ZNF407: variants seen among roughly 807,000 people sequenced by gnomAD.
The protein encoded by ZNF407 is zinc finger protein 407.
A neutral mutation model predicts 131.2 loss-of-function variants in ZNF407; 17 were observed. The observed-to-expected ratio is 0.13, with a 90% confidence interval of 0.09 to 0.19. The LOEUF is 0.19. Ranked by LOEUF, ZNF407 falls within the 10% of genes least tolerant of loss-of-function variation. The pLI is 1.00. For missense variants in ZNF407, 2,681 were observed against 2,830.6 expected, an observed-to-expected ratio of 0.95 and a Z score of 1.20; for synonymous variants, 1,156 against 1,062.0, an observed-to-expected ratio of 1.09 and a Z score of -1.72.
chr18:74,882,663 TA>T (rs1438586475), intron 6 of ZNF407, among the ~76,000 whole-genome samples: 3 of 152,192 alleles, frequency 2.0e-5, no homozygotes, highest in Non-Finnish European at 4.4e-5. Flanking sequence ...GTTGGAAACA[TA>T]AACTAAACTT....
At chr18:74,905,202 A>G (rs184500928) in intron 7 of ZNF407, 2 of 152,398 alleles carry the variant, frequency 1.3e-5, no homozygotes, top group Admixed American at 1.3e-4. Flanking sequence ...GAAAGTAAAA[A>G]GTCAACACAT....
intron 4 of ZNF407, among the ~76,000 whole-genome samples, chr18:74,786,793 GTTTTTTTTTTTTTTTTTTT>G (rs869103622): frequency 2.2e-5 from 2 of 89,348 alleles, no homozygotes; most frequent in Admixed American, 1.4e-4. Context: ...AAAAAAGTAT[GTTTTTTTTTTTTTTTTTTT>G]TTTTTTTTTG....
At chr18:74,598,798 T>G (rs1040842657) in intron 1 of ZNF407, among the ~76,000 whole-genome samples, 2 of 152,242 alleles carry the variant, frequency 1.3e-5, no homozygotes, top group African/African-American at 4.8e-5. Context: ...GTGCTTGGCC[T>G]CCTTCTGGAG....
At chr18:74,744,926 T>C (rs1355729266) in intron 3 of ZNF407, among the ~76,000 whole-genome samples, 1 of 152,168 alleles carries the variant, frequency 6.6e-6, no homozygotes, top group Non-Finnish European at 1.5e-5. Flanking sequence ...TCCTTGATTT[T>C]ATAGCTTTAC....
chr18:74,901,814 A>G (rs1175735847), intron 7 of ZNF407, among the ~76,000 whole-genome samples: 1 of 152,092 alleles, frequency 6.6e-6, no homozygotes, highest in Non-Finnish European at 1.5e-5. Context: ...CACATATATT[A>G]TTACCTTCCT....
At chr18:75,057,864 T>A (rs1226033354) in intron 8 of ZNF407, among the ~76,000 whole-genome samples, 1 of 152,228 alleles carries the variant, frequency 6.6e-6, no homozygotes, top group African/African-American at 2.4e-5. Context: ...AATGACATTT[T>A]TCATTCACAA....
At chr18:75,029,971 G>T (rs1182022942) in intron 8 of ZNF407, among the ~76,000 whole-genome samples, 1 of 152,126 alleles carries the variant, frequency 6.6e-6, no homozygotes, top group Non-Finnish European at 1.5e-5. Context: ...TAAAAATATG[G>T]GGAAGAGGTT....
At chr18:74,953,439 C>T (rs1484647937) in intron 8 of ZNF407, among the ~76,000 whole-genome samples, 2 of 152,088 alleles carry the variant, frequency 1.3e-5, no homozygotes, top group Admixed American at 6.5e-5. Context: ...TGTCTGCTTA[C>T]GTTGTATCAT....
At chr18:74,623,140 G>C (rs1983619237) in intron 1 of ZNF407, among the ~76,000 whole-genome samples, 1 of 85,018 alleles carries the variant, frequency 1.2e-5, no homozygotes, top group African/African-American at 4.0e-5. Context: ...GTGTGTGTCC[G>C]TGTGAATGTG....
chr18:75,046,004 A>C (rs1172523424), intron 8 of ZNF407, among the ~76,000 whole-genome samples: 1 of 152,252 alleles, frequency 6.6e-6, no homozygotes, highest in Non-Finnish European at 1.5e-5. Context: ...AACCAGCTCC[A>C]ACATGGCTTC....
intron 8 of ZNF407, among the ~76,000 whole-genome samples, chr18:74,984,831 A>G (rs1234105611): frequency 6.6e-6 from 1 of 151,800 alleles, no homozygotes; most frequent in Non-Finnish European, 1.5e-5. Context: ...TGATTAACAA[A>G]GTATCACATA....
intron 4 of ZNF407, among the ~76,000 whole-genome samples, chr18:74,854,930 A>G (rs945592529): frequency 9.2e-5 from 14 of 152,176 alleles, no homozygotes; most frequent in African/African-American, 3.4e-4. Context: ...ACCTAGTACT[A>G]ACTTATAGAT....
intron 8 of ZNF407, among the ~76,000 whole-genome samples, chr18:74,998,703 T>G (rs1462467618): frequency 7.7e-6 from 1 of 130,424 alleles, no homozygotes; most frequent in African/African-American, 3.0e-5. Context: ...AAACAACAGG[T>G]GCTGGAGAGG....
At position 74,631,730 on chromosome 18, in the gene ZNF407, A is replaced by G. The variant is rs768971490; in HGVS notation, c.711A>G (p.Ala237=). The G allele has an allele frequency of 1.2e-5, 20 of 1,613,904 alleles. No homozygotes were observed. The highest frequency in any genetic ancestry group is 1.7e-5 in the Non-Finnish European group (20 of 1,179,906). The change falls in exon 2 of 9, where the codon GCA becomes GCG. Residue 237 remains alanine (A), a synonymous_variant. Coordinates refer to ENST00000299687, the MANE Select transcript of ZNF407 (RefSeq NM_017757.3). ...CACTACATATGCATATCAAACAAGC[A>G]CATGGGCCACAGAAGGTCTTTTCCT... ...SSALHMHIKQ[A]HGPQKVFSCD...
chr18:74,875,306 A>G (rs1334466793), intron 4 of ZNF407, among the ~76,000 whole-genome samples: 1 of 152,170 alleles, frequency 6.6e-6, no homozygotes, highest in East Asian at 1.9e-4. Context: ...GGCTTTTGTC[A>G]TTTCACGACA....
At chr18:74,607,463 A>G (rs1982859304) in intron 1 of ZNF407, among the ~76,000 whole-genome samples, 1 of 150,726 alleles carries the variant, frequency 6.6e-6, no homozygotes, top group Non-Finnish European at 1.5e-5. Context: ...AGAAATGCAC[A>G]TAGTGATTAG....
chr18:75,042,843 T>C (rs1462944194), intron 8 of ZNF407, among the ~76,000 whole-genome samples: 1 of 152,206 alleles, frequency 6.6e-6, no homozygotes, highest in Non-Finnish European at 1.5e-5. Context: ...CACAATGCTT[T>C]TCAACTTCAT....
At chr18:74,967,773 C>T (rs983070888) in intron 8 of ZNF407, among the ~76,000 whole-genome samples, 2 of 152,204 alleles carry the variant, frequency 1.3e-5, no homozygotes, top group African/African-American at 4.8e-5. Context: ...AAATAAGACA[C>T]AAGTTATGAA....
chr18:74,657,911 T>C (rs947797470), intron 3 of ZNF407, among the ~76,000 whole-genome samples: 2 of 144,406 alleles, frequency 1.4e-5, no homozygotes, highest in African/African-American at 2.7e-5. Flanking sequence ...TTTCTTCTTC[T>C]TCTTCTTCTT....
Sources: allele counts gnomAD v4.1 joint callset (sites outside exome capture counted in the v4.1 genomes callset), GRCh38; gene constraint gnomAD v4.1.1; transcripts MANE v1.5; gene names NCBI Gene and HGNC (gene_info 2026-07-23, HGNC 2026-07-21).